MARCHF5: variants seen among roughly 807,000 people sequenced by gnomAD.
The protein encoded by MARCHF5 is E3 ubiquitin-protein ligase MARCHF5.
In MARCHF5, 5 loss-of-function variants were observed where a neutral mutation model predicts 36.5. The ratio of observed to expected loss-of-function variants is 0.14; its 90% CI spans 0.07 to 0.29. The LOEUF (loss-of-function observed/expected upper bound fraction) is 0.29, where lower values mean the gene tolerates loss of function less well. Ranked by LOEUF, MARCHF5 falls within the 10% of genes least tolerant of loss-of-function variation. The pLI, the probability that MARCHF5 is intolerant of heterozygous loss-of-function variation, is 1.00. For missense variants in MARCHF5, 179 were observed against 336.3 expected (o/e 0.53, Z 3.66); for synonymous variants, 103 against 109.9 (o/e 0.94, Z 0.39).
rs71025395 is a variant in MARCHF5, at chr10:92,341,780, C to CTTT, written c.369+1000_369+1002dup. On this transcript the variant is annotated intron_variant, in intron 3 of 5. Coordinates refer to ENST00000358935, the MANE Select transcript of MARCHF5 (RefSeq NM_017824.5). ...TATTTTCCCATCTATAGTTTACATCCTTTTTTTTTTTTTTTTTTTTTTTTT... is the reference window on the plus strand; with the variant it reads ...TATTTTCCCATCTATAGTTTACATCCTTTTTTTTTTTTTTTTTTTTTTTTTTTT... 6.4e-3 allele frequency among the ~76,000 whole-genome samples: 497 copies of CTTT among 77,396 alleles called. 22 individuals carry two copies. The highest frequency in any genetic ancestry group is 0.016 in the African/African-American group (345 of 21,498). The allele number at this position is 77,396 out of a possible 152,430, so 50.8% of individuals were successfully genotyped here. A position where few individuals can be genotyped will look rare whatever the true frequency, so the allele number is the denominator to read the frequency against.
intron 3 of MARCHF5, among the ~76,000 whole-genome samples, chr10:92,346,530 C>T (rs2135219696): frequency 7.9e-6 from 1 of 125,788 alleles, no homozygotes; most frequent in South Asian, 2.7e-4. Context: ...TGGAGTTTCA[C>T]TCTTGTTGCT....
chr10:92,334,882 C>T (rs1843485060), intron 2 of MARCHF5, among the ~76,000 whole-genome samples: 1 of 152,122 alleles, frequency 6.6e-6, no homozygotes, highest in African/African-American at 2.4e-5. Context: ...GTTCTCTTTA[C>T]AAAAGCTTCT....
intron 2 of MARCHF5, among the ~76,000 whole-genome samples, chr10:92,324,576 A>G (rs185535621): frequency 9.9e-5 from 15 of 152,232 alleles, no homozygotes; most frequent in South Asian, 2.1e-4. Context: ...GTTAGCTAGG[A>G]TGGTCTTGAT....
chr10:92,322,818 A>G (rs1052754354), intron 2 of MARCHF5, among the ~76,000 whole-genome samples: 1 of 150,122 alleles, frequency 6.7e-6, no homozygotes. Context: ...GCTCACTGCA[A>G]CCTCCGCCTC....
chr10:92,291,390 GCCGCCGGACTGCGGCCTACT>G lies in MARCHF5; in HGVS notation c.-98_-79del. On this transcript the variant is annotated 5_prime_UTR_variant, in exon 1 of 6. Coordinates refer to ENST00000358935, the MANE Select transcript of MARCHF5 (RefSeq NM_017824.5). ...GAAGCTGGGTGACGGGTTCGCGGCT[GCCGCCGGACTGCGGCCTACT>G]CCGCCGCCTCTCAGTGCTATTGTCC... The G allele has an allele frequency of 9.3e-7, 1 of 1,070,742 alleles. No individual in the cohort carries two copies. Among genetic ancestry groups the G allele is most frequent in the Non-Finnish European group, 1.4e-6 (1 of 718,480 alleles). The allele number at this position is 1,070,742 out of a possible 1,614,324, so 66.3% of individuals were successfully genotyped here.
intron 2 of MARCHF5, among the ~76,000 whole-genome samples, chr10:92,325,253 G>A (rs753814695): frequency 6.6e-6 from 1 of 152,182 alleles, no homozygotes; most frequent in Non-Finnish European, 1.5e-5. Flanking sequence ...TGAAGCAGGA[G>A]GATTGCCTGA....
chr10:92,298,233 A>G (rs1268625074), intron 1 of MARCHF5, among the ~76,000 whole-genome samples: 1 of 152,168 alleles, frequency 6.6e-6, no homozygotes, highest in Non-Finnish European at 1.5e-5. Flanking sequence ...ATATAATGAC[A>G]TTTTCTTCAG....
intron 2 of MARCHF5, among the ~76,000 whole-genome samples, chr10:92,329,144 A>G (rs929067465): frequency 3.9e-5 from 6 of 152,218 alleles, no homozygotes; most frequent in Non-Finnish European, 7.3e-5. Flanking sequence ...TTGCTGAGTC[A>G]GAGGGTAAAT....
Position 92,349,818 on chromosome 10 carries a change from A to C in MARCHF5, c.701A>C (p.Asn234Thr), listed in dbSNP as rs1401045958. 6.2e-7 allele frequency: 1 copy of C among 1,612,936 alleles called. No homozygotes were observed. The highest frequency in any genetic ancestry group is 8.5e-7 in the Non-Finnish European group (1 of 1,179,436). Reference sequence around the variant, plus strand: ...TTGATGTTCAGTAGTGTTAACTCTAATTTACAAAGGACAATCTTGGTAAGA... The same window carrying C: ...TTGATGTTCAGTAGTGTTAACTCTACTTTACAAAGGACAATCTTGGTAAGA... The part of the protein sequence containing the change: ...GKLMFSSVNS[N>T]LQRTILGGIA... Residue 234 changes from asparagine (N) to threonine (T), a missense_variant, in exon 5 of 6, where the codon AAT becomes ACT. By Grantham distance (65) the Asn-to-Thr change is moderately conservative. Coordinates refer to ENST00000358935, the MANE Select transcript of MARCHF5 (RefSeq NM_017824.5).
intron 1 of MARCHF5, among the ~76,000 whole-genome samples, chr10:92,309,186 A>G (rs1452192059): frequency 2.0e-5 from 3 of 152,234 alleles, no homozygotes; most frequent in African/African-American, 4.8e-5. Flanking sequence ...ATGGGTAGTC[A>G]CTGAACAGTT....
intron 2 of MARCHF5, among the ~76,000 whole-genome samples, chr10:92,328,722 G>A (rs1400370600): frequency 1.3e-5 from 2 of 150,310 alleles, no homozygotes; most frequent in South Asian, 2.1e-4. Context: ...GATACACTAC[G>A]AACACTTGGC....
At chr10:92,307,442 T>G (rs938142996) in intron 1 of MARCHF5, among the ~76,000 whole-genome samples, 4 of 152,114 alleles carry the variant, frequency 2.6e-5, no homozygotes, top group Non-Finnish European at 5.9e-5. Flanking sequence ...CTTTAGAACT[T>G]AACATATTTG....
intron 2 of MARCHF5, among the ~76,000 whole-genome samples, chr10:92,329,704 C>T (rs1843414670): frequency 6.6e-6 from 1 of 152,176 alleles, no homozygotes; most frequent in South Asian, 2.1e-4. Context: ...ACTTAGCCTT[C>T]AGAGAAATGT....
At chr10:92,335,990 CAAT>C (rs1328161128) in intron 2 of MARCHF5, among the ~76,000 whole-genome samples, 2 of 152,108 alleles carry the variant, frequency 1.3e-5, no homozygotes, top group African/African-American at 4.8e-5. Context: ...TGGGGTAAAT[CAAT>C]GATGAAAACA....
intron 1 of MARCHF5, among the ~76,000 whole-genome samples, chr10:92,307,212 T>C (rs781391186): frequency 0.043 from 1,796 of 41,592 alleles, 25 homozygotes; most frequent in Non-Finnish European, 0.069. Context: ...TGTGTGTGTG[T>C]GCGCGTGCAT....
intron 1 of MARCHF5, among the ~76,000 whole-genome samples, chr10:92,303,666 G>C (rs558795317): frequency 6.6e-6 from 1 of 152,016 alleles, no homozygotes; most frequent in African/African-American, 2.4e-5. Flanking sequence ...AATAATGTTA[G>C]ATTTAGGGCA....
At chr10:92,324,813 T>TA (rs1465164915) in intron 2 of MARCHF5, among the ~76,000 whole-genome samples, 2 of 152,204 alleles carry the variant, frequency 1.3e-5, no homozygotes, top group African/African-American at 4.8e-5. Flanking sequence ...GTCCTTCTGT[T>TA]ACTGATTTTT....
rs547976421 is a variant in MARCHF5, at chr10:92,347,733, G to A, written c.370-1616G>A. 2.7e-3 allele frequency among the ~76,000 whole-genome samples: 415 copies of A among 152,286 alleles called. 2 individuals carry two copies. Among genetic ancestry groups the A allele is most frequent in the African/African-American group, 9.6e-3 (399 of 41,560 alleles). On this transcript the variant is annotated intron_variant, in intron 3 of 5. Coordinates refer to ENST00000358935, the MANE Select transcript of MARCHF5 (RefSeq NM_017824.5). ...AGGAAGTTGTTAAGTTCTACCTGGA[G>A]ACACAGAAGAATATCAAATTCGATG...
rs544370111 is a variant in MARCHF5, at chr10:92,291,433, T to G, written c.-62T>G. 1.1e-5 allele frequency: 16 copies of G among 1,416,778 alleles called. No individual in the cohort carries two copies. The South Asian group carries it at 2.0e-4, about 17-fold the overall frequency. The allele number at this position is 1,416,778 out of a possible 1,614,324, so 87.8% of individuals were successfully genotyped here. On this transcript the variant is annotated 5_prime_UTR_variant, in exon 1 of 6. Transcript: ENST00000358935. ...ACTCCGCCGCCTCTCAGTGCTATTG[T>G]CCCTGGGCCTGGCCTTGAGCGGGTC...
Sources: gnomAD v4.1 joint callset for allele counts (sites outside exome capture counted in the v4.1 genomes callset) on GRCh38, gnomAD v4.1.1 for gene constraint, MANE v1.5 for transcripts, NCBI Gene and HGNC (gene_info 2026-07-23, HGNC 2026-07-21) for gene names.